Variants in DERA observed in about 807,000 individuals in gnomAD.
The protein encoded by DERA is 2-deoxy-D-ribose 5-phosphate aldolase.
DERA carries 15 observed loss-of-function variants against 41.1 expected under a neutral mutation model. The observed-to-expected ratio is 0.37, with a 90% CI of 0.24 to 0.56. The LOEUF (loss-of-function observed/expected upper bound fraction) is 0.56, where lower values mean the gene tolerates loss of function less well. Ranked by LOEUF, DERA falls within the 20% of genes least tolerant of loss-of-function variation. DERA has a pLI of 0.81. For synonymous variants in DERA, 139 were observed against 137.4 expected (o/e 1.01, Z -0.08); for missense variants, 396 against 403.4 (o/e 0.98, Z 0.16).
rs1412822809 is a variant in DERA at position 15,984,564 on chromosome 12, A to G, written c.637+2128A>G. Reference sequence around the variant, plus strand: ...TCACATCAGTCCTGGAGTGGAAGAAATCTAGGATTGTGTGACTTGTTTAAG... The same window carrying G: ...TCACATCAGTCCTGGAGTGGAAGAAGTCTAGGATTGTGTGACTTGTTTAAG... On this transcript the variant is annotated intron_variant, in intron 6 of 8. Coordinates refer to ENST00000428559, the MANE Select transcript of DERA (RefSeq NM_015954.4). This position sits in a 1 kb window ranked among gnomAD's most constrained non-coding sequence, Gnocchi z 4.5. 1.3e-5 allele frequency among the ~76,000 whole-genome samples: 2 copies of G among 152,194 alleles called. No individual in the cohort carries two copies. Among genetic ancestry groups the G allele is most frequent in the East Asian group, 3.9e-4 (2 of 5,186 alleles).
intron 6 of DERA, among the ~76,000 whole-genome samples, chr12:16,023,468 A>G (rs1361087923): frequency 6.7e-6 from 1 of 149,370 alleles, no homozygotes; most frequent in Non-Finnish European, 1.5e-5. Context: ...AAAAAAACTC[A>G]AAGTCTTTTT....
At position 15,941,048 on chromosome 12, in the gene DERA, G is replaced by T. The variant is rs1301590026; in HGVS notation, c.32-15888G>T. ...GAGGTCATTGTAACTGATAGTTTTT[G>T]TTGTTGTTGTAGAATTAAAAAGCCT... On this transcript the variant is annotated intron_variant, in intron 1 of 8. Transcript: ENST00000428559. This position sits in a 1 kb window ranked among gnomAD's most constrained non-coding sequence, Gnocchi z 4.5. Among the ~76,000 whole-genome samples, 1 of 152,112 alleles carries T rather than the reference G, an allele frequency of 6.6e-6. No individual in the cohort carries two copies. Among genetic ancestry groups the T allele is most frequent in the Non-Finnish European group, 1.5e-5 (1 of 68,012 alleles).
intron 5 of DERA, among the ~76,000 whole-genome samples, chr12:15,969,494 A>G (rs1317035258): frequency 1.3e-5 from 2 of 152,182 alleles, no homozygotes; most frequent in African/African-American, 2.4e-5. Context: ...CTTATGTTCA[A>G]TGGGCAATTG....
chr12:15,954,754 C>T lies in DERA; in HGVS notation c.32-2182C>T, dbSNP rs1267300810. ...GTGGTGCCAGTGTTTCCAGTGGCGA[C>T]AGTAGTGGTAGTGGTGCGTTGGGAG... On this transcript the variant is annotated intron_variant, in intron 1 of 8. Coordinates refer to ENST00000428559, the MANE Select transcript of DERA (RefSeq NM_015954.4). The surrounding 1 kb of genome is among the most constrained non-coding windows in gnomAD (Gnocchi z 4.0). Among the ~76,000 whole-genome samples the T allele has an allele frequency of 6.6e-6, 1 of 152,062 alleles. No individual in the cohort carries two copies. Among genetic ancestry groups the T allele is most frequent in the Non-Finnish European group, 1.5e-5 (1 of 68,010 alleles).
At chr12:15,956,182 T>G in intron 1 of DERA, among the ~76,000 whole-genome samples, 1 of 152,204 alleles carries the variant, frequency 6.6e-6, no homozygotes, top group East Asian at 1.9e-4. Context: ...TATCCAAATG[T>G]TAGCTCTGTC....
chr12:15,912,361 A>G (rs1005438212), intron 1 of DERA, among the ~76,000 whole-genome samples: 2 of 152,210 alleles, frequency 1.3e-5, no homozygotes, highest in African/African-American at 4.8e-5. Context: ...CAGGATCCCA[A>G]GGCAGAAGAG....
At chr12:15,953,156 A>C (rs1250276765) in intron 1 of DERA, among the ~76,000 whole-genome samples, 4 of 152,198 alleles carry the variant, frequency 2.6e-5, no homozygotes, top group Non-Finnish European at 5.9e-5. Context: ...ATCTCCACTT[A>C]TCCATTAGGG....
At chr12:15,986,984 TTAAA>T (rs1416652287) in intron 6 of DERA, among the ~76,000 whole-genome samples, 1 of 152,174 alleles carries the variant, frequency 6.6e-6, no homozygotes, top group African/African-American at 2.4e-5. Context: ...GTTTCAGCCT[TTAAA>T]TAAGTCATTC....
At chr12:16,030,339 C>T (rs568428106) in intron 6 of DERA, among the ~76,000 whole-genome samples, 2 of 152,244 alleles carry the variant, frequency 1.3e-5, no homozygotes, top group African/African-American at 2.4e-5. Context: ...AAAGATGCCA[C>T]ATATTAGAAA....
Position 16,032,868 on chromosome 12 carries a change from G to A in DERA, c.750+214G>A, listed in dbSNP as rs1481106518. On this transcript the variant is annotated intron_variant, in intron 7 of 8. Transcript: ENST00000428559. ...GAGTTGTGAGTGTGGGAGTGAGTAT[G>A]TGTGATCAAGATGTAAACTCACTTT... 5 of 496,374 alleles carry A rather than the reference G, an allele frequency of 1.0e-5. No individual in the cohort carries two copies. In the African/African-American group the frequency reaches 1.0e-4, roughly 10 times the overall value. The allele number at this position is 496,374 out of a possible 1,614,324, so 30.7% of individuals were successfully genotyped here.
At chr12:15,948,593 A>G (rs376095574) in intron 1 of DERA, among the ~76,000 whole-genome samples, 1 of 152,108 alleles carries the variant, frequency 6.6e-6, no homozygotes, top group Non-Finnish European at 1.5e-5. Flanking sequence ...CTAGTTAGCA[A>G]TTCGTCTAAT....
chr12:16,022,427 T>C (rs1949022632), intron 6 of DERA, among the ~76,000 whole-genome samples: 1 of 152,218 alleles, frequency 6.6e-6, no homozygotes, highest in Admixed American at 6.5e-5. Context: ...GCCTCAGGTA[T>C]TCCTTTATAG....
In DERA at chr12:16,031,676, C is replaced by A. The variant is rs575071182; in HGVS notation, c.638-866C>A. 3.9e-5 allele frequency among the ~76,000 whole-genome samples: 6 copies of A among 152,272 alleles called. No homozygotes were observed. In the East Asian group the frequency reaches 1.2e-3, roughly 29 times the overall value. On this transcript the variant is annotated intron_variant, in intron 6 of 8. Transcript: ENST00000428559. ...AACCTAGGTAAGTTTATTGGAGACG[C>A]TGTGATGTATTGTTTAGGCTAGATT...
chr12:16,031,511 G>T (rs189676776), intron 6 of DERA, among the ~76,000 whole-genome samples: 18 of 152,300 alleles, frequency 1.2e-4, no homozygotes, highest in African/African-American at 4.3e-4. Context: ...GATTTAGTTG[G>T]TCTGGTGTAG....
rs1948809950 is a variant in DERA at position 15,992,657 on chromosome 12, C to A, written c.637+10221C>A. On this transcript the variant is annotated intron_variant, in intron 6 of 8. Coordinates refer to ENST00000428559, the MANE Select transcript of DERA (RefSeq NM_015954.4). The surrounding 1 kb of genome is among the most constrained non-coding windows in gnomAD (Gnocchi z 4.3). ...CTTTTTTCCTTGAACAATCCAAGAA[C>A]AAGATGATAGGACATAAGATAGGGA... Among the ~76,000 whole-genome samples, 1 of 152,024 alleles carries A rather than the reference C, an allele frequency of 6.6e-6. No homozygotes were observed. Among genetic ancestry groups the A allele is most frequent in the Non-Finnish European group, 1.5e-5 (1 of 67,972 alleles).
Position 15,988,943 on chromosome 12 carries a change from T to C in DERA, c.637+6507T>C, listed in dbSNP as rs1219587499. Among the ~76,000 whole-genome samples, 1 of 152,218 alleles carries C rather than the reference T, an allele frequency of 6.6e-6. No homozygotes were observed. The highest frequency in any genetic ancestry group is 1.5e-5 in the Non-Finnish European group (1 of 68,028). On this transcript the variant is annotated intron_variant, in intron 6 of 8. Coordinates refer to ENST00000428559, the MANE Select transcript of DERA (RefSeq NM_015954.4). This position sits in a 1 kb window ranked among gnomAD's most constrained non-coding sequence, Gnocchi z 6.0. Reference sequence around the variant, plus strand: ...GCGTGTCAGCGCTGCCCTGAATGTGTGCACACTCAGCCAGATTGCGGCAGC... The same window carrying C: ...GCGTGTCAGCGCTGCCCTGAATGTGCGCACACTCAGCCAGATTGCGGCAGC...
intron 6 of DERA, among the ~76,000 whole-genome samples, chr12:16,005,192 C>T (rs77065981): frequency 2.0e-5 from 3 of 152,150 alleles, no homozygotes; most frequent in Non-Finnish European, 2.9e-5. Flanking sequence ...CCTGCAATCC[C>T]AGTGCTTTGG....
chr12:15,945,524 CTCTG>C (rs1488214177), intron 1 of DERA, among the ~76,000 whole-genome samples: 5 of 151,798 alleles, frequency 3.3e-5, no homozygotes, highest in Non-Finnish European at 5.9e-5. Context: ...TGATTTGGCT[CTCTG>C]TCTGTTATTG....
Position 16,019,641 on chromosome 12 carries a change from G to T in DERA, c.638-12901G>T, listed in dbSNP as rs1949005594. ...GCTTTTGGTGTTTCTTTTTATGGTG[G>T]TGTTCTTCCATGTGTGCCCTCTCAT... On this transcript the variant is annotated intron_variant, in intron 6 of 8. Coordinates refer to ENST00000428559, the MANE Select transcript of DERA (RefSeq NM_015954.4). The surrounding 1 kb of genome is among the most constrained non-coding windows in gnomAD (Gnocchi z 4.4). 6.6e-6 allele frequency among the ~76,000 whole-genome samples: 1 copy of T among 151,962 alleles called. No homozygotes were observed. The highest frequency in any genetic ancestry group is 2.4e-5 in the African/African-American group (1 of 41,352).
Sources: allele counts gnomAD v4.1 joint callset (sites outside exome capture counted in the v4.1 genomes callset), GRCh38; gene constraint gnomAD v4.1.1; non-coding constraint Gnocchi (gnomAD v3.1); transcripts MANE v1.5; gene names NCBI Gene and HGNC (gene_info 2026-07-23, HGNC 2026-07-21).